The following CUX1 variants were observed in gnomAD, a reference collection of about 807,000 sequenced individuals.
CUX1 encodes the protein protein CASP.
A neutral mutation model predicts 158.8 loss-of-function variants in CUX1; 31 were observed. That is an observed-to-expected ratio of 0.20 (90% CI 0.15 to 0.26). CUX1 has a LOEUF of 0.26. CUX1 is among the 10% of genes least tolerant of loss of function. CUX1 has a pLI of 1.00. For synonymous variants in CUX1, 879 were observed against 862.1 expected, an observed-to-expected ratio of 1.02 and a Z score of -0.34; for missense variants, 1,589 against 2,014.6, an observed-to-expected ratio of 0.79 and a Z score of 4.04.
At chr7:102,277,990 T>C in exon 18 of CUX1, 1 of 1,566,354 alleles carries the variant, frequency 6.4e-7, no homozygotes, top group Non-Finnish European at 8.7e-7. Context: ...CCCTGCAGAG[T>C]GAGCTGGACA....
At chr7:101,932,405 G>T in intron 2 of CUX1, 1 of 348,006 alleles carries the variant, frequency 2.9e-6, no homozygotes, top group Admixed American at 3.7e-5. Flanking sequence ...CTCCAGGGAG[G>T]AATTCACAGC....
rs1180607614 is a variant in CUX1 at position 102,030,482 on chromosome 7, G to A, written c.189+2337G>A. The stretch of plus-strand genomic sequence containing the variant: ...GGCTCCCGAAGTTAAGGAATTATTA[G>A]CATTCTCCTACATTACCACAATAAC... On this transcript the variant is annotated intron_variant, in intron 3 of 23. Coordinates refer to ENST00000292535, the MANE Select transcript of CUX1 (RefSeq NM_181552.4). Among the ~76,000 whole-genome samples the A allele has an allele frequency of 3.5e-4, 53 of 151,180 alleles. 1 individual carries two copies. Among genetic ancestry groups the A allele is most frequent in the Non-Finnish European group, 2.9e-5 (2 of 67,860 alleles).
At chr7:102,214,707 G>A (rs545541878) in intron 20 of CUX1, among the ~76,000 whole-genome samples, 6 of 152,330 alleles carry the variant, frequency 3.9e-5, no homozygotes, top group African/African-American at 7.2e-5. Context: ...GGACTGGCCC[G>A]AGGGACCTGC....
In CUX1 at chr7:102,229,426, C is replaced by G. The variant is rs527352368; in HGVS notation, c.3433+1757C>G. Among the ~76,000 whole-genome samples, 91 of 151,766 alleles carry G rather than the reference C, an allele frequency of 6.0e-4. 1 individual carries two copies. The South Asian group carries it at 0.019, about 31-fold the overall frequency. On this transcript the variant is annotated intron_variant, in intron 21 of 23. Transcript: ENST00000292535. ...TGCCGGGTTCACGCGATTCTCCTGC[C>G]TCAGTCTCCCGAGTAGCTGGGATTA... is the stretch of plus-strand genomic sequence containing the variant.
At chr7:102,185,669 G>A (rs1314174474) in intron 11 of CUX1, among the ~76,000 whole-genome samples, 1 of 148,624 alleles carries the variant, frequency 6.7e-6, no homozygotes, top group Non-Finnish European at 1.5e-5. Context: ...GAACTCCTAT[G>A]CTCAAGCGAG....
chr7:101,850,951 T>TA (rs914577134), intron 1 of CUX1, among the ~76,000 whole-genome samples: 3 of 151,862 alleles, frequency 2.0e-5, no homozygotes, highest in African/African-American at 7.3e-5. Flanking sequence ...TAATTAAAAA[T>TA]AAAAAAATTA....
intron 8 of CUX1, among the ~76,000 whole-genome samples, chr7:102,141,941 C>G (rs963009607): frequency 6.6e-6 from 1 of 151,822 alleles, no homozygotes; most frequent in Admixed American, 6.6e-5. Flanking sequence ...ATGCCTGGTC[C>G]CAACCTTTCC....
At chr7:101,818,308 A>G (rs1023977130) in intron 1 of CUX1, among the ~76,000 whole-genome samples, 1 of 152,182 alleles carries the variant, frequency 6.6e-6, no homozygotes, top group Non-Finnish European at 1.5e-5. Flanking sequence ...TCCTGTGCTT[A>G]CTGTAAAACC....
intron 20 of CUX1, among the ~76,000 whole-genome samples, chr7:102,219,483 T>C (rs1797600132): frequency 6.6e-6 from 1 of 152,196 alleles, no homozygotes. Flanking sequence ...CAAAGCTTGA[T>C]GCTGCCACTT....
chr7:102,132,828 C>T (rs1328771291), intron 8 of CUX1, among the ~76,000 whole-genome samples: 1 of 151,888 alleles, frequency 6.6e-6, no homozygotes, highest in African/African-American at 2.4e-5. Context: ...CCCGCCACTA[C>T]ACCTGGCTAA....
intron 3 of CUX1, among the ~76,000 whole-genome samples, chr7:102,055,404 G>T (rs1369241028): frequency 1.3e-5 from 2 of 152,058 alleles, no homozygotes; most frequent in African/African-American, 2.4e-5. Context: ...CCAACTGCAG[G>T]TGCTCACTTC....
intron 4 of CUX1, 141 bp from the exon 5 acceptor site, chr7:102,097,223 C>G: frequency 2.0e-6 from 2 of 981,016 alleles, no homozygotes; most frequent in Non-Finnish European, 1.4e-6. Context: ...AGCAAGGGGG[C>G]TGGCTGCAGG....
At position 101,847,045 on chromosome 7, in the gene CUX1, G is replaced by A. The variant is rs542681464; in HGVS notation, c.30+29376G>A. The stretch of plus-strand genomic sequence containing the variant: ...GTAAGTCTCAGCTACTGAGGAGGCC[G>A]AGATGGGAGGATCGCTGGAGCCCAG... On this transcript the variant is annotated intron_variant, in intron 1 of 23. Coordinates refer to ENST00000292535, the MANE Select transcript of CUX1 (RefSeq NM_181552.4). Among the ~76,000 whole-genome samples, 38 of 152,264 alleles carry A rather than the reference G, an allele frequency of 2.5e-4. 1 individual carries two copies. In the South Asian group the frequency reaches 6.2e-3, roughly 25 times the overall value.
chr7:102,158,788 G>A (rs575208626), intron 9 of CUX1, among the ~76,000 whole-genome samples, 180 bp downstream of exon 9: 2 of 152,316 alleles, frequency 1.3e-5, no homozygotes, highest in Non-Finnish European at 2.9e-5. Flanking sequence ...AAAAGTCCTA[G>A]GAACCATTTC....
At chr7:102,132,294 T>A (rs554261556) in intron 8 of CUX1, among the ~76,000 whole-genome samples, 15 of 27,028 alleles carry the variant, frequency 5.5e-4, no homozygotes, top group South Asian at 1.9e-3. Context: ...AGAGAGAGAG[T>A]GTGTGTGTGT....
chr7:102,273,253 CA>C, intron 14 of CUX1: 1 of 1,419,146 alleles, frequency 7.0e-7, no homozygotes, highest in Non-Finnish European at 9.5e-7. Context: ...AGCACTCTCA[CA>C]GCATCCAGGC....
intron 1 of CUX1, among the ~76,000 whole-genome samples, chr7:101,876,242 G>T (rs889502610): frequency 1.3e-5 from 2 of 151,756 alleles, no homozygotes; most frequent in Admixed American, 6.6e-5. Context: ...CTACTCTGGA[G>T]GCTGAGGCAG....
chr7:102,024,633 A>G (rs939059512), intron 2 of CUX1, among the ~76,000 whole-genome samples: 5 of 151,944 alleles, frequency 3.3e-5, no homozygotes, highest in Non-Finnish European at 5.9e-5. Context: ...AGCCATAGCT[A>G]TTCTTCCATT....
In CUX1 at chr7:102,076,106, G is replaced by A. The variant is rs1826687957; in HGVS notation, c.268+5689G>A. Among the ~76,000 whole-genome samples the A allele has an allele frequency of 2.0e-5, 3 of 151,970 alleles. No individual in the cohort carries two copies. In the South Asian group the frequency reaches 6.2e-4, roughly 32 times the overall value. On this transcript the variant is annotated intron_variant, in intron 4 of 23. Coordinates refer to ENST00000292535, the MANE Select transcript of CUX1 (RefSeq NM_181552.4). ...CTTCACATTAAAGACACAAAGGCCA[G>A]GCATGGTGGTTCACGCCTGTAACCC...
Sources: allele counts gnomAD v4.1 joint callset (sites outside exome capture counted in the v4.1 genomes callset), GRCh38; gene constraint gnomAD v4.1.1; transcripts MANE v1.5; gene names NCBI Gene and HGNC (gene_info 2026-07-23, HGNC 2026-07-21).